Variants in NOVA2 observed in about 807,000 individuals in gnomAD.
The protein encoded by NOVA2 is RNA-binding protein Nova-2.
A neutral mutation model predicts 22.5 loss-of-function variants in NOVA2; 9 were observed. The observed-to-expected ratio is 0.40, with a 90% CI of 0.24 to 0.70. The LOEUF is 0.70. Among genes scored for constraint, NOVA2 ranks in the 30% least tolerant of loss-of-function variants. The probability of loss-of-function intolerance (pLI) is 0.38; values close to 1 mark genes in which losing one functional copy is unlikely to be tolerated. For missense variants in NOVA2, 383 were observed against 682.8 expected (o/e 0.56, Z 4.89); for synonymous variants, 318 against 335.2 (o/e 0.95, Z 0.56).
Position 45,934,883 on chromosome 19 carries a change from G to T in NOVA2, c.*4980C>A, listed in dbSNP as rs1165081127. Reference sequence around the variant, plus strand: ...TGGGGCATGGGATGGGGTGCGGGTGGGGAGGCATGGGTGGTGGGAGGAGAT... The same window carrying T: ...TGGGGCATGGGATGGGGTGCGGGTGTGGAGGCATGGGTGGTGGGAGGAGAT... On this transcript the variant is annotated 3_prime_UTR_variant, in exon 4 of 4. Coordinates refer to ENST00000263257, the MANE Select transcript of NOVA2 (RefSeq NM_002516.4). 3 of 151,638 alleles carry T rather than the reference G, an allele frequency of 2.0e-5. No individual in the cohort carries two copies. Among genetic ancestry groups the T allele is most frequent in the African/African-American group, 7.3e-5 (3 of 41,226 alleles). The allele number at this position is 151,638 out of a possible 1,614,324, so 9.4% of individuals were successfully genotyped here. A position where few individuals can be genotyped will look rare whatever the true frequency, so the allele number is the denominator to read the frequency against.
chr19:45,958,390 G>C (rs567597434), intron 2 of NOVA2, among the ~76,000 whole-genome samples: 1 of 147,452 alleles, frequency 6.8e-6, no homozygotes, highest in South Asian at 2.2e-4. Context: ...TGTGTGTGTG[G>C]GAGCATGTGT....
Position 45,953,850 on chromosome 19 carries a change from G to A in NOVA2, c.326C>T (p.Ala109Val), listed in dbSNP as rs771796947. ...IAEKVREIPQ[A>V]MTKPEVVNIL... Reference sequence around the variant, plus strand: ...GTTGACCACCTCAGGCTTGGTCATCGCTTGTGGGATTTCTCGGACCTTCTC... The same window carrying A: ...GTTGACCACCTCAGGCTTGGTCATCACTTGTGGGATTTCTCGGACCTTCTC... The change falls in exon 3 of 4, where the codon GCG (alanine) becomes GTG (valine). Residue 109 changes from alanine (A) to valine (V), a missense_variant. Around this residue, in one of 2 missense-constraint regions of NOVA2, gnomAD observed 349 missense variants for 578.1 expected, o/e 0.60. Transcript: ENST00000263257. The A allele has an allele frequency of 5.0e-6, 8 of 1,614,072 alleles. No individual in the cohort carries two copies. The highest frequency in any genetic ancestry group is 3.3e-5 in the Admixed American group (2 of 59,988).
chr19:45,936,818 C>G lies in NOVA2; in HGVS notation c.*3045G>C, dbSNP rs959079997. 4 of 152,048 alleles carry G rather than the reference C, an allele frequency of 2.6e-5. No individual in the cohort carries two copies. Among genetic ancestry groups the G allele is most frequent in the African/African-American group, 9.7e-5 (4 of 41,372 alleles). 9.4% of individuals were successfully genotyped at this position (152,048 alleles called of 1,614,324 possible). On this transcript the variant is annotated 3_prime_UTR_variant, in exon 4 of 4. Coordinates refer to ENST00000263257, the MANE Select transcript of NOVA2 (RefSeq NM_002516.4). ...GCAGCAAACACTTATTAAGCACCTA[C>G]TGGGTGCTGAAGAGAAGGGTGCAAG...
rs558703307 is a variant in NOVA2, at chr19:45,963,335, C to G, written c.86-2182G>C. Reference sequence around the variant, plus strand: ...CAGAACTTGCAGTGAGCCGAGATCGCGCCACTGCACTCCACTCCAGCCTGG... The same window carrying G: ...CAGAACTTGCAGTGAGCCGAGATCGGGCCACTGCACTCCACTCCAGCCTGG... On this transcript the variant is annotated intron_variant, in intron 1 of 3. Transcript: ENST00000263257. Among the ~76,000 whole-genome samples the G allele has an allele frequency of 4.1e-3, 618 of 149,708 alleles. 3 individuals are homozygous for G. The highest frequency in any genetic ancestry group is 0.027 in the Middle Eastern group (8 of 292).
Position 45,940,619 on chromosome 19 carries a change from C to T in NOVA2, c.723G>A (p.Ala241=), listed in dbSNP as rs773754571. The T allele has an allele frequency of 2.1e-6, 3 of 1,445,408 alleles. No homozygotes were observed. The highest frequency in any genetic ancestry group is 3.0e-5 in the Admixed American group (1 of 33,152). 89.5% of individuals were successfully genotyped at this position (1,445,408 alleles called of 1,614,324 possible). The change falls in exon 4 of 4, where the codon GCG becomes GCA. Residue 241 remains alanine (A), a synonymous_variant. Transcript: ENST00000263257. ...AGGCGGCGGCGGCCGACGCTGCGGC[C>T]GCGGCTGGCAGCACATCCGCGGGGC... ...YASPADVLPA[A]AAASAAAASG...
At chr19:45,971,885 G>A (rs773472630) in intron 1 of NOVA2, among the ~76,000 whole-genome samples, 8 of 151,940 alleles carry the variant, frequency 5.3e-5, no homozygotes, top group African/African-American at 9.7e-5. Context: ...TGCACCTAGA[G>A]TTCCCAGCTC....
At chr19:45,946,263 C>G (rs1193904798) in intron 3 of NOVA2, among the ~76,000 whole-genome samples, 5 of 152,094 alleles carry the variant, frequency 3.3e-5, no homozygotes, top group African/African-American at 9.7e-5. Context: ...AATGGCATCA[C>G]TACACTCCAG....
chr19:45,947,276 A>T (rs1413051226), intron 3 of NOVA2, among the ~76,000 whole-genome samples: 1 of 152,106 alleles, frequency 6.6e-6, no homozygotes, highest in African/African-American at 2.4e-5. Flanking sequence ...GCGAATAAAT[A>T]GACGGATGAA....
At chr19:45,964,340 C>T (rs1198334771) in intron 1 of NOVA2, among the ~76,000 whole-genome samples, 1 of 142,706 alleles carries the variant, frequency 7.0e-6, no homozygotes, top group African/African-American at 2.6e-5. Context: ...CAACCATGCC[C>T]GGCTAATTTG....
At chr19:45,963,129 C>G (rs1297405113) in intron 1 of NOVA2, among the ~76,000 whole-genome samples, 1 of 152,076 alleles carries the variant, frequency 6.6e-6, no homozygotes, top group Non-Finnish European at 1.5e-5. Context: ...AATCCCAGCA[C>G]TGTGGAAGGC....
At position 45,943,198 on chromosome 19, in the gene NOVA2, C is replaced by T. The variant is rs182519557; in HGVS notation, c.397-2253G>A. 3.0e-4 allele frequency among the ~76,000 whole-genome samples: 45 copies of T among 151,358 alleles called. No homozygotes were observed. The East Asian group carries it at 5.3e-3, about 18-fold the overall frequency. On this transcript the variant is annotated intron_variant, in intron 3 of 3. Coordinates refer to ENST00000263257, the MANE Select transcript of NOVA2 (RefSeq NM_002516.4). The stretch of plus-strand genomic sequence containing the variant: ...CCTCCCTAGTAGCTGGGATTACAGG[C>T]GCCCACCACCATGCCCAGCTAATTT...
rs1399549183 is a variant in NOVA2 at position 45,934,888 on chromosome 19, G to C, written c.*4975C>G. The C allele has an allele frequency of 6.6e-6, 1 of 151,456 alleles. No individual in the cohort carries two copies. Among genetic ancestry groups the C allele is most frequent in the South Asian group, 2.1e-4 (1 of 4,798 alleles). 9.4% of individuals were successfully genotyped at this position (151,456 alleles called of 1,614,324 possible). A position where few individuals can be genotyped will look rare whatever the true frequency, so the allele number is the denominator to read the frequency against. ...CATGGGATGGGGTGCGGGTGGGGAG[G>C]CATGGGTGGTGGGAGGAGATGGAGG... is the stretch of plus-strand genomic sequence containing the variant. On this transcript the variant is annotated 3_prime_UTR_variant, in exon 4 of 4. Transcript: ENST00000263257.
intron 1 of NOVA2, among the ~76,000 whole-genome samples, chr19:45,972,670 TACAC>T (rs911447224): frequency 6.6e-6 from 1 of 151,692 alleles, no homozygotes; most frequent in South Asian, 2.1e-4. Context: ...AGGGCACACA[TACAC>T]ACACACGCAC....
chr19:45,941,329 T>A (rs182875287), intron 3 of NOVA2, among the ~76,000 whole-genome samples: 11 of 140,432 alleles, frequency 7.8e-5, no homozygotes, highest in African/African-American at 2.3e-4. Flanking sequence ...TATATATATA[T>A]AATTTTGTCT....
In NOVA2 at chr19:45,953,932, C is replaced by T. The variant is rs1301112314; in HGVS notation, c.244G>A (p.Val82Ile). The part of the protein sequence containing the change: ...KDFYPGTTER[V>I]CLVQGTAEAL... ...TCTGCCGTGCCCTGTACTAGGCATA[C>T]CCGCTCTGTGGTTCCTGTTGAGCAA... Residue 82 changes from valine to isoleucine, a missense_variant, in exon 3 of 4, where the codon GTA becomes ATA. By Grantham distance (29) the Val-to-Ile change is conservative. Coordinates refer to ENST00000263257, the MANE Select transcript of NOVA2 (RefSeq NM_002516.4). 1 of 1,614,136 alleles carries T rather than the reference C, an allele frequency of 6.2e-7. No individual in the cohort carries two copies. Among genetic ancestry groups the T allele is most frequent in the Non-Finnish European group, 8.5e-7 (1 of 1,180,006 alleles).
chr19:45,972,098 C>G (rs1434476028), intron 1 of NOVA2, among the ~76,000 whole-genome samples: 3 of 152,058 alleles, frequency 2.0e-5, no homozygotes, highest in African/African-American at 7.3e-5. Context: ...ACACACACAC[C>G]TCTCCTTGTT....
intron 3 of NOVA2, among the ~76,000 whole-genome samples, chr19:45,942,833 G>A (rs1446849143): frequency 6.6e-6 from 1 of 151,900 alleles, no homozygotes; most frequent in Non-Finnish European, 1.5e-5. Context: ...TTGCACCTCC[G>A]AGAGCATTTC....
intron 3 of NOVA2, among the ~76,000 whole-genome samples, chr19:45,948,338 G>T (rs1967871461): frequency 6.6e-6 from 1 of 152,294 alleles, no homozygotes; most frequent in Non-Finnish European, 1.5e-5. Flanking sequence ...GGGGGCTCAT[G>T]CCTGTAATCC....
rs146313649 is a variant in NOVA2 at position 45,948,088 on chromosome 19, C to T, written c.396+5692G>A. 2.9e-4 allele frequency among the ~76,000 whole-genome samples: 44 copies of T among 152,156 alleles called. 1 individual carries two copies. The East Asian group carries it at 7.9e-3, about 27-fold the overall frequency. ...GGTGAGCTTGAAATCCAAGCATGAC[C>T]ACAAGTAGCTGGAACTGAGAGTGAG... On this transcript the variant is annotated intron_variant, in intron 3 of 3. Coordinates refer to ENST00000263257, the MANE Select transcript of NOVA2 (RefSeq NM_002516.4).
Sources: allele counts gnomAD v4.1 joint callset (sites outside exome capture counted in the v4.1 genomes callset), GRCh38; gene constraint gnomAD v4.1.1; regional missense constraint gnomAD v4.1.1; transcripts MANE v1.5; gene names NCBI Gene and HGNC (gene_info 2026-07-23, HGNC 2026-07-21).